Variants in PICK1 observed in about 807,000 individuals in gnomAD.
The protein encoded by PICK1 is protein interacting with PRKCA 1, also known as PRKCA-binding protein.
In PICK1, 23 loss-of-function variants were observed where a neutral mutation model predicts 48.9. The observed-to-expected ratio is 0.47, with a 90% CI of 0.34 to 0.67. The LOEUF (loss-of-function observed/expected upper bound fraction) is 0.67. Ranked by LOEUF, PICK1 falls within the 30% of genes least tolerant of loss-of-function variation. The pLI, the probability that PICK1 is intolerant of heterozygous loss-of-function variation, is 0.01. For synonymous variants in PICK1, 217 were observed against 228.2 expected, an observed-to-expected ratio of 0.95 and a Z score of 0.44; for missense variants, 423 against 557.1, an observed-to-expected ratio of 0.76 and a Z score of 2.42.
Position 38,058,430 on chromosome 22 carries a change from A to C in PICK1, c.41+580A>C, listed in dbSNP as rs573992986. On this transcript the variant is annotated intron_variant, in intron 2 of 12. Coordinates refer to ENST00000356976, the MANE Select transcript of PICK1 (RefSeq NM_012407.4). The stretch of plus-strand genomic sequence containing the variant: ...AGTGGAAACCGAGAGGTAATCGAGC[A>C]GTTGAGAGGTGGGAGGTGGACAGTT... Among the ~76,000 whole-genome samples, 15 of 152,294 alleles carry C rather than the reference A, an allele frequency of 9.8e-5. No homozygotes were observed. In the East Asian group the frequency reaches 1.3e-3, roughly 14 times the overall value.
In PICK1 at chr22:38,069,122, G is replaced by A; in HGVS notation, c.439G>A (p.Asp147Asn). Residue 147 changes from aspartate to asparagine, a missense_variant and splice_region_variant, in exon 6 of 13, where the codon GAT becomes AAT. By Grantham distance (23) the Asp-to-Asn change is conservative. Coordinates refer to ENST00000356976, the MANE Select transcript of PICK1 (RefSeq NM_012407.4). ...CCTGAGCCGGGCCATCCTGTGCAAT[G>A]GTGAGTCCCTTCCCACCCAGCTGGG... is the stretch of plus-strand genomic sequence containing the variant. The part of the protein sequence containing the change: ...LGLSRAILCN[D>N]GLVKRLEELE... The A allele has an allele frequency of 1.2e-6, 2 of 1,605,070 alleles. No individual in the cohort carries two copies. The highest frequency in any genetic ancestry group is 1.7e-6 in the Non-Finnish European group (2 of 1,175,704).
chr22:38,058,670 A>G (rs2085328555), intron 2 of PICK1, among the ~76,000 whole-genome samples: 1 of 152,146 alleles, frequency 6.6e-6, no homozygotes, highest in Non-Finnish European at 1.5e-5. Context: ...TCCACATTTT[A>G]TGGATGAGGA....
Position 38,073,997 on chromosome 22 carries a change from CCGG to C in PICK1, c.834+176_834+178del. 1.4e-6 allele frequency: 1 copy of C among 695,742 alleles called. No individual in the cohort carries two copies. Among genetic ancestry groups the C allele is most frequent in the Non-Finnish European group, 2.5e-6 (1 of 403,872 alleles). The allele number at this position is 695,742 out of a possible 1,614,324, so 43.1% of individuals were successfully genotyped here. A position where few individuals can be genotyped will look rare whatever the true frequency, so the allele number is the denominator to read the frequency against. On this transcript the variant is annotated intron_variant, in intron 11 of 12. Coordinates refer to ENST00000356976, the MANE Select transcript of PICK1 (RefSeq NM_012407.4). The surrounding 1 kb of genome is among the most constrained non-coding windows in gnomAD (Gnocchi z 5.7). The stretch of plus-strand genomic sequence containing the variant: ...CGCTGGGCCTCGGGGTGCTGGGCAC[CCGG>C]CCGGGAACCACTCCCTCAGTCTGGG...
intron 8 of PICK1, chr22:38,072,062 A>G (rs2085710360): frequency 2.0e-6 from 1 of 499,392 alleles, no homozygotes; most frequent in Admixed American, 3.3e-5. Context: ...GCTACTGCAG[A>G]AAATGAAGCC....
chr22:38,066,449 G>A lies in PICK1; in HGVS notation c.283-1255G>A, dbSNP rs1014386515. 6.6e-6 allele frequency among the ~76,000 whole-genome samples: 1 copy of A among 152,190 alleles called. No individual in the cohort carries two copies. ...ATGAGGACAAGAGCTCTTTGTATTTGCACACAGCCATGACAGGGATGCAGC... is the reference window on the plus strand; with the variant it reads ...ATGAGGACAAGAGCTCTTTGTATTTACACACAGCCATGACAGGGATGCAGC... On this transcript the variant is annotated intron_variant, in intron 4 of 12. Transcript: ENST00000356976. This position sits in a 1 kb window ranked among gnomAD's most constrained non-coding sequence, Gnocchi z 4.1.
chr22:38,064,871 T>C, intron 3 of PICK1, 131 bp from the exon 4 acceptor site: 1 of 1,050,326 alleles, frequency 9.5e-7, no homozygotes, highest in South Asian at 1.3e-5. Flanking sequence ...GCCCGGGTGG[T>C]GAGACGCTTT....
chr22:38,070,438 T>C (rs2085649723), intron 6 of PICK1, among the ~76,000 whole-genome samples: 1 of 152,216 alleles, frequency 6.6e-6, no homozygotes, highest in African/African-American at 2.4e-5. Flanking sequence ...CCTTCCTGAA[T>C]TTCCCCCTCC....
chr22:38,067,466 G>A, intron 4 of PICK1: 2 of 460,312 alleles, frequency 4.3e-6, no homozygotes, highest in Non-Finnish European at 8.3e-6. Flanking sequence ...GCGCCACTAC[G>A]CCCAGCTAAT....
At chr22:38,063,642 CTTTT>C in intron 3 of PICK1, among the ~76,000 whole-genome samples, 1 of 131,624 alleles carries the variant, frequency 7.6e-6, no homozygotes. Flanking sequence ...CTTCTCTGTT[CTTTT>C]TTTTTTTTTT....
At position 38,073,508 on chromosome 22, in the gene PICK1, G is replaced by A. The variant is rs1404939574; in HGVS notation, c.784-265G>A. Among the ~76,000 whole-genome samples, 2 of 152,236 alleles carry A rather than the reference G, an allele frequency of 1.3e-5. No homozygotes were observed. Among genetic ancestry groups the A allele is most frequent in the Non-Finnish European group, 2.9e-5 (2 of 68,038 alleles). ...TTATCAGAGCCTTTGCTAGGCTGAT[G>A]TGCAGTGTGAATTTTCAAGGGTCTT... On this transcript the variant is annotated intron_variant, in intron 10 of 12. Transcript: ENST00000356976. This position sits in a 1 kb window ranked among gnomAD's most constrained non-coding sequence, Gnocchi z 5.7.
chr22:38,062,842 TG>T (rs1200863878), intron 3 of PICK1, among the ~76,000 whole-genome samples: 2 of 152,264 alleles, frequency 1.3e-5, no homozygotes, highest in Non-Finnish European at 2.9e-5. Flanking sequence ...AATTCCTGTG[TG>T]GAAGTGTGAT....
At chr22:38,072,089 C>T (rs2085711072) in intron 8 of PICK1, 1 of 488,158 alleles carries the variant, frequency 2.0e-6, no homozygotes. Flanking sequence ...AAGGAGAGGG[C>T]CACACTGCTC....
intron 3 of PICK1, 111 bp from the exon 4 acceptor site, chr22:38,064,891 C>T (rs2085488408): frequency 3.0e-6 from 4 of 1,316,782 alleles, no homozygotes; most frequent in African/African-American, 1.5e-5. Context: ...TCTCAAAAAA[C>T]GAGAGCAGAG....
Position 38,075,381 on chromosome 22 carries a change from G to T in PICK1, c.*249G>T, listed in dbSNP as rs1601963840. On this transcript the variant is annotated 3_prime_UTR_variant, in exon 13 of 13. Coordinates refer to ENST00000356976, the MANE Select transcript of PICK1 (RefSeq NM_012407.4). The stretch of plus-strand genomic sequence containing the variant: ...TCCCGGCTCCCCGGCCAGAGGGAGA[G>T]CTTGGTCTCTGGACCTGCCTTAGGA... 1.9e-6 allele frequency: 1 copy of T among 534,732 alleles called. No homozygotes were observed. Among genetic ancestry groups the T allele is most frequent in the East Asian group, 3.0e-5 (1 of 33,538 alleles). 33.1% of individuals were successfully genotyped at this position (534,732 alleles called of 1,614,324 possible). A position where few individuals can be genotyped will look rare whatever the true frequency, so the allele number is the denominator to read the frequency against.
In PICK1 at chr22:38,074,907, G is replaced by A. The variant is rs1476062469; in HGVS notation, c.1023G>A (p.Met341Ile). 1.9e-6 allele frequency: 3 copies of A among 1,613,504 alleles called. No homozygotes were observed. In the South Asian group the frequency reaches 3.3e-5, roughly 18 times the overall value. Residue 341 changes from methionine (M) to isoleucine (I), a missense_variant, in exon 13 of 13, where the codon ATG becomes ATA. Coordinates refer to ENST00000356976, the MANE Select transcript of PICK1 (RefSeq NM_012407.4). This position sits in a 1 kb window ranked among gnomAD's most constrained non-coding sequence, Gnocchi z 4.5. ...VFQLQRLVST[M>I]SKYYNDCYAV... ...AGCTGCAGCGCCTCGTGTCCACCAT[G>A]TCCAAGTACTACAACGACTGCTACG...
chr22:38,059,742 C>T (rs188310231), intron 3 of PICK1, among the ~76,000 whole-genome samples: 4 of 152,306 alleles, frequency 2.6e-5, no homozygotes, highest in East Asian at 1.9e-4. Context: ...CATAGGAACA[C>T]GATGAAATAA....
At chr22:38,064,088 C>T (rs1364935499) in intron 3 of PICK1, among the ~76,000 whole-genome samples, 2 of 152,000 alleles carry the variant, frequency 1.3e-5, no homozygotes, top group Admixed American at 6.6e-5. Context: ...GACAGAGTCT[C>T]GTTCTGTTGC....
chr22:38,071,784 A>G (rs753987328), intron 8 of PICK1, 40 bp downstream of exon 8: 2 of 1,546,508 alleles, frequency 1.3e-6, no homozygotes, highest in Non-Finnish European at 1.8e-6. Context: ...ACCGTGGGCA[A>G]TCCCTGGGGC....
Position 38,059,340 on chromosome 22 carries a change from G to A in PICK1, c.148G>A (p.Val50Ile). ...GAQYCPCLYI[V>I]QVFDNTPAAL... ...CCAGTACTGTCCCTGCCTCTATATCGTCCAGGTATTGGGCGCTTTGGAGGG... is the reference window on the plus strand; with the variant it reads ...CCAGTACTGTCCCTGCCTCTATATCATCCAGGTATTGGGCGCTTTGGAGGG... The change falls in exon 3 of 13, where the codon GTC becomes ATC. Residue 50 changes from valine to isoleucine, a missense_variant. By Grantham distance (29) the Val-to-Ile change is conservative. Transcript: ENST00000356976. The A allele has an allele frequency of 2.6e-6, 4 of 1,555,396 alleles. No homozygotes were observed. Among genetic ancestry groups the A allele is most frequent in the Non-Finnish European group, 3.5e-6 (4 of 1,148,150 alleles).
Sources: allele counts gnomAD v4.1 joint callset (sites outside exome capture counted in the v4.1 genomes callset), GRCh38; gene constraint gnomAD v4.1.1; non-coding constraint Gnocchi (gnomAD v3.1); transcripts MANE v1.5; gene names NCBI Gene and HGNC (gene_info 2026-07-23, HGNC 2026-07-21).